Variants in DCX observed in about 807,000 individuals in gnomAD.
The protein encoded by DCX is doublecortin.
In DCX, 4 loss-of-function variants were observed where a neutral mutation model predicts 20.9. That is an observed-to-expected ratio of 0.19 (90% CI 0.09 to 0.44). The LOEUF (loss-of-function observed/expected upper bound fraction) is 0.44. Ranked by LOEUF, DCX falls within the 20% of genes least tolerant of loss-of-function variation. DCX has a pLI of 0.99. For synonymous variants in DCX, 103 were observed against 111.4 expected (o/e 0.92, Z 0.47); for missense variants, 133 against 296.9 (o/e 0.45, Z 4.06).
intron 3 of DCX, among the ~76,000 whole-genome samples, chrX:111,365,113 T>C (rs1486126209): frequency 9.3e-6 from 1 of 107,421 alleles, no homozygotes; most frequent in Non-Finnish European, 1.9e-5. Flanking sequence ...AGAGACAGGG[T>C]TTTGCCATGT....
At chrX:111,340,901 G>A (rs1193563817) in intron 3 of DCX, among the ~76,000 whole-genome samples, 3 of 111,215 alleles carry the variant, frequency 2.7e-5, no homozygotes, top group African/African-American at 6.6e-5. Flanking sequence ...CTCAAAGATC[G>A]AAACTAGACA....
intron 5 of DCX, among the ~76,000 whole-genome samples, chrX:111,323,609 T>G (rs900679220): frequency 4.9e-4 from 51 of 103,140 alleles, no homozygotes; most frequent in Middle Eastern, 4.9e-3. Context: ...TTCTGTTTTT[T>G]TTTTTTTTTT....
rs767803598 is a variant in DCX at position 111,321,624 on chromosome X, G to T, written c.947-8888C>A. Among the ~76,000 whole-genome samples, 3 of 111,470 alleles carry T rather than the reference G, an allele frequency of 2.7e-5. No individual in the cohort carries two copies. In the South Asian group the frequency reaches 1.1e-3, roughly 43 times the overall value. On this transcript the variant is annotated intron_variant, in intron 5 of 6. Transcript: ENST00000636035. Reference sequence around the variant, plus strand: ...TTAGTTCCCAAAGAACAATGAGAGAGTCCAGTTTTTGGTGCGAGTGGCCAA... The same window carrying T: ...TTAGTTCCCAAAGAACAATGAGAGATTCCAGTTTTTGGTGCGAGTGGCCAA...
chrX:111,374,171 T>G (rs1044325508), intron 3 of DCX, among the ~76,000 whole-genome samples: 2 of 111,808 alleles, frequency 1.8e-5, no homozygotes, highest in Non-Finnish European at 3.8e-5. Flanking sequence ...CAGAAGTTAT[T>G]AAAATAGAGC....
At chrX:111,350,005 G>T (rs1923174384) in intron 3 of DCX, among the ~76,000 whole-genome samples, 1 of 111,772 alleles carries the variant, frequency 8.9e-6, no homozygotes, top group Admixed American at 9.5e-5. Context: ...AACTCAGAGG[G>T]AAGGAGAGAG....
At chrX:111,360,296 A>G (rs1924102467) in intron 3 of DCX, among the ~76,000 whole-genome samples, 1 of 112,030 alleles carries the variant, frequency 8.9e-6, no homozygotes, top group African/African-American at 3.2e-5. Flanking sequence ...TTGCAACAGC[A>G]TGGATGGAAT....
At chrX:111,301,828 T>C (rs2095034938) in intron 6 of DCX, 85 bp from the exon 7 acceptor site, 1 of 852,917 alleles carries the variant, frequency 1.2e-6, no homozygotes, top group East Asian at 3.3e-5. Flanking sequence ...TTTTTATTAA[T>C]ACTTTAATTT....
At chrX:111,326,588 A>G (rs775225130) in intron 5 of DCX, among the ~76,000 whole-genome samples, 1 of 111,942 alleles carries the variant, frequency 8.9e-6, no homozygotes, top group African/African-American at 3.2e-5. Context: ...CCATGGCCTG[A>G]TTTAAAGACA....
chrX:111,329,854 C>T (rs767646589), intron 5 of DCX, among the ~76,000 whole-genome samples: 1 of 112,032 alleles, frequency 8.9e-6, no homozygotes, highest in South Asian at 3.7e-4. Context: ...AACTGAAGGG[C>T]CCTTTTGTTT....
rs2095029726 is a variant in DCX, at chrX:111,299,797, C to A, written c.*1890G>T. The A allele has an allele frequency of 9.0e-6, 1 of 111,564 alleles. No homozygotes were observed. The highest frequency in any genetic ancestry group is 9.5e-5 in the Admixed American group (1 of 10,515). 9.2% of individuals were successfully genotyped at this position (111,564 alleles called of 1,213,427 possible). On this transcript the variant is annotated 3_prime_UTR_variant, in exon 7 of 7. Transcript: ENST00000636035. ...TTTCACCAGAAACCAGTACTACCAT[C>A]ATCTCACTTTTCCTGAACCGAAAAT...
chrX:111,399,114 C>T (rs1174348882), intron 3 of DCX, among the ~76,000 whole-genome samples: 1 of 109,074 alleles, frequency 9.2e-6, no homozygotes, highest in Non-Finnish European at 1.9e-5. Context: ...ACTCTGACTC[C>T]AAAAGTAAAT....
At chrX:111,304,081 T>A (rs2095039812) in intron 6 of DCX, among the ~76,000 whole-genome samples, 1 of 112,238 alleles carries the variant, frequency 8.9e-6, no homozygotes. Flanking sequence ...AGGTAGGATG[T>A]ACAATGCCAA....
At chrX:111,397,450 C>T (rs897142535) in intron 3 of DCX, among the ~76,000 whole-genome samples, 5 of 111,617 alleles carry the variant, frequency 4.5e-5, no homozygotes, top group African/African-American at 1.6e-4. Flanking sequence ...GCAAGCAGTA[C>T]GAATACCCAC....
At chrX:111,390,016 G>A (rs1926815301) in intron 3 of DCX, among the ~76,000 whole-genome samples, 1 of 111,966 alleles carries the variant, frequency 8.9e-6, no homozygotes, top group East Asian at 2.8e-4. Flanking sequence ...AATCAAAGGG[G>A]AGATTATCCA....
At chrX:111,354,502 G>C (rs181355626) in intron 3 of DCX, among the ~76,000 whole-genome samples, 1 of 112,113 alleles carries the variant, frequency 8.9e-6, no homozygotes, top group East Asian at 2.8e-4. Context: ...GAGACAAAAT[G>C]TTTCTCTGAA....
chrX:111,301,553 T>C lies in DCX; in HGVS notation c.*134A>G. The C allele has an allele frequency of 1.5e-6, 1 of 677,090 alleles. No individual in the cohort carries two copies. The highest frequency in any genetic ancestry group is 2.2e-5 in the South Asian group (1 of 45,568). 55.8% of individuals were successfully genotyped at this position (677,090 alleles called of 1,213,427 possible). A position where few individuals can be genotyped will look rare whatever the true frequency, so the allele number is the denominator to read the frequency against. ...AATAAACCCAACATATTACAATGTGTTTTTCAAAATAACAACAACAACAAA... is the reference window on the plus strand; with the variant it reads ...AATAAACCCAACATATTACAATGTGCTTTTCAAAATAACAACAACAACAAA... On this transcript the variant is annotated 3_prime_UTR_variant, in exon 7 of 7. Transcript: ENST00000636035.
At chrX:111,355,523 C>G (rs1474613375) in intron 3 of DCX, among the ~76,000 whole-genome samples, 1 of 111,118 alleles carries the variant, frequency 9.0e-6, no homozygotes, top group Non-Finnish European at 1.9e-5. Context: ...TCTTTAATGT[C>G]TTGATATTAT....
chrX:111,360,536 A>C (rs961715148), intron 3 of DCX, among the ~76,000 whole-genome samples: 1 of 111,736 alleles, frequency 8.9e-6, no homozygotes, highest in Non-Finnish European at 1.9e-5. Flanking sequence ...TGATGGCACA[A>C]CAGGGTGACC....
At chrX:111,365,059 T>G (rs1336651195) in intron 3 of DCX, among the ~76,000 whole-genome samples, 1 of 105,618 alleles carries the variant, frequency 9.5e-6, no homozygotes, top group African/African-American at 3.4e-5. Context: ...GCTCAGCTAA[T>G]TTTTGTATTA....
Sources: gnomAD v4.1 joint callset for allele counts (sites outside exome capture counted in the v4.1 genomes callset) on GRCh38, gnomAD v4.1.1 for gene constraint, MANE v1.5 for transcripts, NCBI Gene and HGNC (gene_info 2026-07-23, HGNC 2026-07-21) for gene names.